Variants in CNTNAP2 observed in about 807,000 individuals in gnomAD.
CNTNAP2 encodes contactin-associated protein-like 2.
In CNTNAP2, 98 loss-of-function variants were observed where a neutral mutation model predicts 155.2. That is an observed-to-expected ratio of 0.63 (90% CI 0.54 to 0.75). CNTNAP2 has a LOEUF of 0.75. CNTNAP2 is among the 30% of genes least tolerant of loss of function. CNTNAP2 has a pLI of 0.00. For missense variants in CNTNAP2, 1,727 were observed against 1,688.1 expected, an observed-to-expected ratio of 1.02 and a Z score of -0.40; for synonymous variants, 651 against 631.2, an observed-to-expected ratio of 1.03 and a Z score of -0.47.
rs145224011 is a variant in CNTNAP2 at position 147,739,600 on chromosome 7, A to G, written c.2098+100294A>G. Among the ~76,000 whole-genome samples, 381 of 152,148 alleles carry G rather than the reference A, an allele frequency of 2.5e-3. 1 individual carries two copies. The highest frequency in any genetic ancestry group is 8.7e-3 in the African/African-American group (360 of 41,506). On this transcript the variant is annotated intron_variant, in intron 13 of 23. Transcript: ENST00000361727. ...CACACACATATACCCCCATTATATG[A>G]TTTATTTCAGAGAAAATCATCCTAG...
chr7:146,430,184 T>A (rs991123129), intron 1 of CNTNAP2, among the ~76,000 whole-genome samples: 1 of 151,952 alleles, frequency 6.6e-6, no homozygotes, highest in Non-Finnish European at 1.5e-5. Flanking sequence ...AGTTTTTTTT[T>A]TTTTGTTTTA....
intron 4 of CNTNAP2, among the ~76,000 whole-genome samples, chr7:147,061,162 G>A (rs1799662785): frequency 6.6e-6 from 1 of 152,044 alleles, no homozygotes; most frequent in Non-Finnish European, 1.5e-5. Context: ...TGGGCATGAA[G>A]TTGAGCAAGA....
chr7:148,380,698 G>A (rs1259753885), intron 21 of CNTNAP2, among the ~76,000 whole-genome samples: 4 of 151,616 alleles, frequency 2.6e-5, no homozygotes, highest in South Asian at 2.1e-4. Flanking sequence ...TCTAAGCCTC[G>A]TTTCCCTCAT....
chr7:147,386,877 G>T (rs927733293), intron 9 of CNTNAP2, among the ~76,000 whole-genome samples: 1 of 152,126 alleles, frequency 6.6e-6, no homozygotes, highest in East Asian at 1.9e-4. Context: ...TCGAGACTGG[G>T]CAATTTACCA....
chr7:146,498,055 AG>A (rs1797246543), intron 1 of CNTNAP2, among the ~76,000 whole-genome samples: 1 of 152,288 alleles, frequency 6.6e-6, no homozygotes, highest in African/African-American at 2.4e-5. Flanking sequence ...AAAGGTACAA[AG>A]TAATAAATGG....
chr7:147,385,708 G>A (rs995077315), intron 9 of CNTNAP2, among the ~76,000 whole-genome samples: 12 of 152,224 alleles, frequency 7.9e-5, no homozygotes, highest in African/African-American at 1.4e-4. Flanking sequence ...GCTTTCAAGA[G>A]CTGGTGTTGA....
chr7:146,539,239 G>A (rs868764876), intron 1 of CNTNAP2, among the ~76,000 whole-genome samples: 2 of 151,936 alleles, frequency 1.3e-5, no homozygotes, highest in Non-Finnish European at 2.9e-5. Flanking sequence ...TTTTCACAAC[G>A]CTATATCATG....
intron 10 of CNTNAP2, among the ~76,000 whole-genome samples, chr7:147,478,168 T>TAG (rs1563220201): frequency 6.6e-6 from 1 of 150,868 alleles, no homozygotes; most frequent in East Asian, 2.0e-4. Context: ...TTTTGGGTGG[T>TAG]GGGGGAGGGA....
chr7:147,444,585 C>T, intron 10 of CNTNAP2, among the ~76,000 whole-genome samples: 1 of 147,336 alleles, frequency 6.8e-6, no homozygotes, highest in African/African-American at 2.5e-5. Flanking sequence ...AAATTAAAAC[C>T]ACTAAATTTT....
intron 21 of CNTNAP2, among the ~76,000 whole-genome samples, chr7:148,343,596 A>G (rs1457372957): frequency 6.6e-6 from 1 of 152,252 alleles, no homozygotes; most frequent in African/African-American, 2.4e-5. Context: ...ACATTTGTAG[A>G]TGTGACTGAT....
intron 8 of CNTNAP2, among the ~76,000 whole-genome samples, chr7:147,294,033 A>T (rs1805367909): frequency 6.6e-6 from 1 of 152,192 alleles, no homozygotes; most frequent in South Asian, 2.1e-4. Context: ...ATTACGAATT[A>T]TAACAATGGT....
rs1433676547 is a variant in CNTNAP2, at chr7:146,237,107, G to A, written c.97+120134G>A. On this transcript the variant is annotated intron_variant, in intron 1 of 23. Transcript: ENST00000361727. Reference sequence around the variant, plus strand: ...CAATTTGATGCCCTTAGGATGGGGTGATGACAACAGGTTTGTTCCAACATA... The same window carrying A: ...CAATTTGATGCCCTTAGGATGGGGTAATGACAACAGGTTTGTTCCAACATA... Among the ~76,000 whole-genome samples the A allele has an allele frequency of 3.2e-4, 48 of 152,304 alleles. 1 individual carries two copies. Among genetic ancestry groups the A allele is most frequent in the Non-Finnish European group, 1.2e-4 (8 of 68,024 alleles).
chr7:148,349,332 T>A lies in CNTNAP2; in HGVS notation c.3476-34317T>A, dbSNP rs113082140. On this transcript the variant is annotated intron_variant, in intron 21 of 23. Transcript: ENST00000361727. ...TCCTGGGCCACATTGGAAGAAGAAT[T>A]GTTTTGGGCCACACGTAAAACACAC... Among the ~76,000 whole-genome samples, 970 of 152,054 alleles carry A rather than the reference T, an allele frequency of 6.4e-3. 10 individuals carry two copies. The highest frequency in any genetic ancestry group is 0.022 in the African/African-American group (926 of 41,464).
chr7:146,467,002 T>C (rs1052200619), intron 1 of CNTNAP2, among the ~76,000 whole-genome samples: 20 of 152,170 alleles, frequency 1.3e-4, no homozygotes, highest in Non-Finnish European at 7.4e-5. Context: ...TTTTATCTTG[T>C]CCCTCTTTAA....
At chr7:147,728,282 A>T (rs565864576) in intron 13 of CNTNAP2, among the ~76,000 whole-genome samples, 4 of 152,146 alleles carry the variant, frequency 2.6e-5, no homozygotes, top group Admixed American at 2.6e-4. Context: ...GTAAATAAAT[A>T]ACTCTAATTC....
intron 9 of CNTNAP2, among the ~76,000 whole-genome samples, chr7:147,354,295 C>T (rs970305744): frequency 6.6e-6 from 1 of 152,072 alleles, no homozygotes; most frequent in African/African-American, 2.4e-5. Context: ...TTTAATCCAT[C>T]TTGAGTTAAT....
intron 10 of CNTNAP2, among the ~76,000 whole-genome samples, chr7:147,406,238 C>A (rs1490853889): frequency 6.6e-6 from 1 of 152,128 alleles, no homozygotes; most frequent in Non-Finnish European, 1.5e-5. Context: ...CAATCTGTTA[C>A]ATCACATTGT....
At chr7:146,554,036 C>T (rs976613617) in intron 1 of CNTNAP2, among the ~76,000 whole-genome samples, 2 of 152,312 alleles carry the variant, frequency 1.3e-5, no homozygotes, top group East Asian at 3.9e-4. Flanking sequence ...TTCTTTTGGG[C>T]ATTCCATTTG....
At position 146,482,206 on chromosome 7, in the gene CNTNAP2, GAAAAA is replaced by G. The variant is rs749887909; in HGVS notation, c.98-292049_98-292045del. On this transcript the variant is annotated intron_variant, in intron 1 of 23. Transcript: ENST00000361727. ...TGGAAGAGCCAGAGGCTAAGAATTA[GAAAAA>G]AAAAAAAAAAAAAAACTCCAGTGAA... Among the ~76,000 whole-genome samples the G allele has an allele frequency of 2.4e-4, 20 of 82,146 alleles. No individual in the cohort carries two copies. The East Asian group carries it at 8.1e-3, about 33-fold the overall frequency. The allele number at this position is 82,146 out of a possible 152,430, so 53.9% of individuals were successfully genotyped here.
Sources: allele counts gnomAD v4.1 joint callset (sites outside exome capture counted in the v4.1 genomes callset), GRCh38; gene constraint gnomAD v4.1.1; transcripts MANE v1.5; gene names NCBI Gene and HGNC (gene_info 2026-07-23, HGNC 2026-07-21).